Variants in MYO19 observed in about 807,000 individuals in gnomAD.
MYO19 encodes myosin XIX.
A neutral mutation model predicts 129.2 loss-of-function variants in MYO19; 132 were observed. That is an observed-to-expected ratio of 1.02 (90% CI 0.89 to 1.18). The LOEUF (loss-of-function observed/expected upper bound fraction) is 1.18. Ranked by LOEUF, MYO19 falls within the 50% of genes most tolerant of loss-of-function variation. MYO19 has a pLI of 0.00. For synonymous variants in MYO19, 531 were observed against 477.2 expected, an observed-to-expected ratio of 1.11 and a Z score of -1.47; for missense variants, 1,210 against 1,216.7, an observed-to-expected ratio of 0.99 and a Z score of 0.08.
At chr17:36,533,483 C>T (rs2073949536) in intron 2 of MYO19, 1 of 152,152 alleles carries the variant, frequency 6.6e-6, no homozygotes, top group African/African-American at 2.4e-5. Flanking sequence ...GGCACCACCC[C>T]TAGCAAGGAG....
intron 15 of MYO19, 113 bp from the exon 16 acceptor site, chr17:36,507,625 A>G: frequency 7.5e-7 from 1 of 1,342,110 alleles, no homozygotes; most frequent in South Asian, 1.2e-5. Context: ...CATCAAAGAA[A>G]CAAAAGTATA....
intron 23 of MYO19, 199 bp from the exon 24 acceptor site, chr17:36,499,359 C>T (rs1444154006): frequency 1.9e-5 from 8 of 421,826 alleles, no homozygotes; most frequent in Non-Finnish European, 3.2e-5. Flanking sequence ...ACTGCCCACA[C>T]ACTTGAATAC....
chr17:36,538,139 A>G, upstream of MYO19: 1 of 1,614,172 alleles, frequency 6.2e-7, no homozygotes, highest in Non-Finnish European at 8.5e-7. Flanking sequence ...TTTTACTGGC[A>G]GCTATTAGCC....
intron 17 of MYO19, 119 bp downstream of exon 17, chr17:36,506,844 G>A (rs1599261296): frequency 7.7e-7 from 1 of 1,291,568 alleles, no homozygotes; most frequent in East Asian, 2.6e-5. Context: ...TGGTGATTCT[G>A]GATTCTGGGA....
chr17:36,515,586 A>C (rs1409683581), intron 7 of MYO19, among the ~76,000 whole-genome samples: 1 of 152,232 alleles, frequency 6.6e-6, no homozygotes, highest in Non-Finnish European at 1.5e-5. Context: ...ATAGAAAGAC[A>C]GAATTTGGAC....
chr17:36,535,160 C>A (rs994234422), upstream of MYO19: 1 of 149,528 alleles, frequency 6.7e-6, no homozygotes, highest in Non-Finnish European at 1.5e-5. Context: ...CGGGCGACAC[C>A]AGGACTGGGG....
intron 11 of MYO19, among the ~76,000 whole-genome samples, chr17:36,511,672 C>T (rs1163390954): frequency 6.6e-6 from 1 of 152,224 alleles, no homozygotes. Context: ...ACGCCACTGC[C>T]TATGATAGAG....
chr17:36,528,424 T>C, intron 3 of MYO19, among the ~76,000 whole-genome samples: 1 of 151,228 alleles, frequency 6.6e-6, no homozygotes, highest in South Asian at 2.1e-4. Flanking sequence ...GGCAGGAGAA[T>C]GGCGTGAACC....
chr17:36,496,319 T>G lies in MYO19; in HGVS notation c.2845A>C (p.Asn949His), dbSNP rs758206810. The change falls in exon 26 of 26, where the codon AAT (asparagine) becomes CAT (histidine). Residue 949 changes from asparagine to histidine, a missense_variant. Physicochemically the swap from Asn to His is moderately conservative, Grantham distance 68. Coordinates refer to ENST00000614623, the MANE Select transcript of MYO19 (RefSeq NM_001163735.2). Reference sequence around the variant, plus strand: ...CTGTGTCTTTCCAGCAGAATCTGATTAAAGCCTGTAATGCTGTAGGGTGAA... The same window carrying G: ...CTGTGTCTTTCCAGCAGAATCTGATGAAAGCCTGTAATGCTGTAGGGTGAA... Reference protein sequence around the residue: ...EPSPYSITGFNQILLERHRLI... With the variant: ...EPSPYSITGFHQILLERHRLI... 6 of 1,613,808 alleles carry G rather than the reference T, an allele frequency of 3.7e-6. No homozygotes were observed. Among genetic ancestry groups the G allele is most frequent in the Admixed American group, 1.7e-5 (1 of 59,998 alleles).
intron 9 of MYO19, 147 bp downstream of exon 9, chr17:36,514,299 A>G (rs896237897): frequency 2.8e-5 from 18 of 647,322 alleles, no homozygotes; most frequent in Non-Finnish European, 4.2e-5. Flanking sequence ...GAAGTGCTGC[A>G]TGTAAAGTCT....
At chr17:36,538,882 T>A (rs1480857067), upstream of MYO19, 5 of 328,420 alleles carry the variant, frequency 1.5e-5, no homozygotes, top group East Asian at 3.2e-4. Flanking sequence ...GCCTCCTGAG[T>A]AGCTGGCACT....
chr17:36,532,577 G>C lies in MYO19; in HGVS notation c.-39C>G. On this transcript the variant is annotated 5_prime_UTR_variant, in exon 3 of 26. Coordinates refer to ENST00000614623, the MANE Select transcript of MYO19 (RefSeq NM_001163735.2). ...GGTCAGCCAGGGTTCTGGGTTGCAG[G>C]AGGTACAAGGAGTACTATCCACCTA... The C allele has an allele frequency of 5.2e-6, 8 of 1,552,534 alleles. No individual in the cohort carries two copies. Among genetic ancestry groups the C allele is most frequent in the Non-Finnish European group, 7.0e-6 (8 of 1,147,488 alleles).
intron 2 of MYO19, chr17:36,533,296 AG>A (rs1305682797): frequency 1.3e-5 from 2 of 152,220 alleles, no homozygotes; most frequent in Admixed American, 6.5e-5. Context: ...ACTACGACTA[AG>A]GGTTGATGAT....
At position 36,496,323 on chromosome 17, in the gene MYO19, G is replaced by A; in HGVS notation, c.2841C>T (p.Gly947=). The A allele has an allele frequency of 6.2e-7, 1 of 1,614,024 alleles. No individual in the cohort carries two copies. The highest frequency in any genetic ancestry group is 8.5e-7 in the Non-Finnish European group (1 of 1,179,894). ...GTCTTTCCAGCAGAATCTGATTAAAGCCTGTAATGCTGTAGGGTGAAGGTT... is the reference window on the plus strand; with the variant it reads ...GTCTTTCCAGCAGAATCTGATTAAAACCTGTAATGCTGTAGGGTGAAGGTT... ...CPEPSPYSIT[G]FNQILLERHR... The change falls in exon 26 of 26, where the codon GGC becomes GGT. Residue 947 remains glycine, a synonymous_variant. Transcript: ENST00000614623.
At chr17:36,523,843 C>T (rs2073297112) in intron 6 of MYO19, among the ~76,000 whole-genome samples, 2 of 152,028 alleles carry the variant, frequency 1.3e-5, no homozygotes, top group African/African-American at 4.8e-5. Flanking sequence ...GATGTAAACA[C>T]CCAAATAAAC....
At chr17:36,514,361 G>C in intron 9 of MYO19, 85 bp downstream of exon 9, 1 of 866,360 alleles carries the variant, frequency 1.2e-6, no homozygotes, top group Middle Eastern at 2.6e-4. Flanking sequence ...ACCAGGTATG[G>C]AGCATTCTGG....
chr17:36,516,940 T>C (rs746490822), intron 6 of MYO19, among the ~76,000 whole-genome samples: 15 of 152,168 alleles, frequency 9.9e-5, no homozygotes, highest in Admixed American at 2.0e-4. Flanking sequence ...ATTTCTTCCT[T>C]AAATGTTTGG....
At chr17:36,512,307 T>C (rs1389565888) in intron 11 of MYO19, among the ~76,000 whole-genome samples, 9 of 147,120 alleles carry the variant, frequency 6.1e-5, no homozygotes, top group Admixed American at 6.8e-5. Flanking sequence ...GAGAATCACT[T>C]GAACCCGGGA....
At chr17:36,514,366 T>C (rs1472668651) in intron 9 of MYO19, 80 bp downstream of exon 9, 5 of 906,652 alleles carry the variant, frequency 5.5e-6, no homozygotes, top group Non-Finnish European at 9.2e-6. Context: ...GTATGGAGCA[T>C]TCTGGGGAGT....
Sources: gnomAD v4.1 joint callset for allele counts (sites outside exome capture counted in the v4.1 genomes callset) on GRCh38, gnomAD v4.1.1 for gene constraint, MANE v1.5 for transcripts, NCBI Gene and HGNC (gene_info 2026-07-23, HGNC 2026-07-21) for gene names.